The following CYP7B1 variants were observed in gnomAD, a reference collection of about 807,000 sequenced individuals.
The protein encoded by CYP7B1 is cytochrome P450 7B1.
Under a neutral mutation model 42.7 loss-of-function variants are expected in CYP7B1, and 29 were observed. That is an observed-to-expected ratio of 0.68 (90% CI 0.51 to 0.93). CYP7B1 has a LOEUF of 0.93. Ranked by LOEUF, CYP7B1 falls within the 40% of genes least tolerant of loss-of-function variation. The pLI, the probability that CYP7B1 is intolerant of heterozygous loss-of-function variation, is 0.00. For synonymous variants in CYP7B1, 235 were observed against 218.2 expected (o/e 1.08, Z -0.68); for missense variants, 655 against 600.5 (o/e 1.09, Z -0.95).
chr8:64,712,952 C>T (rs770824651), intron 1 of CYP7B1, among the ~76,000 whole-genome samples: 1 of 152,046 alleles, frequency 6.6e-6, no homozygotes, highest in Non-Finnish European at 1.5e-5. Context: ...GCATATAATC[C>T]TATTAGTGCA....
intron 1 of CYP7B1, among the ~76,000 whole-genome samples, chr8:64,647,999 A>G (rs997012183): frequency 2.0e-5 from 3 of 152,216 alleles, no homozygotes; most frequent in African/African-American, 4.8e-5. Context: ...CAGATCCATT[A>G]ATCAATGGAT....
intron 1 of CYP7B1, among the ~76,000 whole-genome samples, chr8:64,671,411 A>G (rs1209830125): frequency 1.3e-5 from 2 of 152,160 alleles, no homozygotes; most frequent in Non-Finnish European, 2.9e-5. Flanking sequence ...TGTTGGATGA[A>G]GTACTTCATT....
intron 1 of CYP7B1, among the ~76,000 whole-genome samples, chr8:64,679,161 C>G (rs1363109138): frequency 6.6e-6 from 1 of 152,146 alleles, no homozygotes; most frequent in Non-Finnish European, 1.5e-5. Flanking sequence ...GATAATCAAA[C>G]TATTTTTCCA....
At chr8:64,688,573 A>G (rs1585857269) in intron 1 of CYP7B1, among the ~76,000 whole-genome samples, 1 of 152,106 alleles carries the variant, frequency 6.6e-6, no homozygotes, top group African/African-American at 2.4e-5. Context: ...CAGAAGTCCA[A>G]CTCTGGCTGA....
intron 1 of CYP7B1, among the ~76,000 whole-genome samples, chr8:64,678,633 G>C (rs1183092272): frequency 2.0e-5 from 3 of 152,090 alleles, no homozygotes; most frequent in Non-Finnish European, 2.9e-5. Context: ...TGCTGCTACG[G>C]GTGCTCCTTG....
chr8:64,698,394 C>T (rs1262478128), intron 1 of CYP7B1, among the ~76,000 whole-genome samples: 1 of 152,066 alleles, frequency 6.6e-6, no homozygotes, highest in Non-Finnish European at 1.5e-5. Flanking sequence ...CTAGAAAACC[C>T]AAAACCACTG....
At chr8:64,695,163 C>A (rs529696975) in intron 1 of CYP7B1, among the ~76,000 whole-genome samples, 3 of 152,148 alleles carry the variant, frequency 2.0e-5, no homozygotes, top group Admixed American at 2.0e-4. Context: ...TGAGGTGAAA[C>A]GAGCAGGTGG....
intron 1 of CYP7B1, among the ~76,000 whole-genome samples, chr8:64,745,241 T>C (rs978700363): frequency 1.3e-5 from 2 of 152,242 alleles, no homozygotes; most frequent in African/African-American, 2.4e-5. Context: ...CCATTTGCTC[T>C]CTGCATAGAC....
chr8:64,689,438 A>T (rs535997047), intron 1 of CYP7B1, among the ~76,000 whole-genome samples: 2 of 152,352 alleles, frequency 1.3e-5, no homozygotes, highest in South Asian at 4.1e-4. Flanking sequence ...ATCACGAATC[A>T]AAGCACAACA....
chr8:64,686,322 T>G (rs1345739214), intron 1 of CYP7B1, among the ~76,000 whole-genome samples: 4 of 25,256 alleles, frequency 1.6e-4, no homozygotes, highest in Admixed American at 3.2e-4. Flanking sequence ...GTCCGGGAGG[T>G]GAGGGGCGCC....
intron 1 of CYP7B1, among the ~76,000 whole-genome samples, chr8:64,646,342 C>T (rs1433395494): frequency 6.6e-6 from 1 of 152,012 alleles, no homozygotes. Context: ...TGAACTCAAA[C>T]AAATTTACAA....
intron 1 of CYP7B1, among the ~76,000 whole-genome samples, chr8:64,776,082 T>C (rs1213562910): frequency 6.6e-6 from 1 of 152,092 alleles, no homozygotes; most frequent in Admixed American, 6.6e-5. Flanking sequence ...TCTTAGTTAT[T>C]TTATAGACCT....
At chr8:64,793,693 C>T (rs892253874) in intron 1 of CYP7B1, among the ~76,000 whole-genome samples, 3 of 151,898 alleles carry the variant, frequency 2.0e-5, no homozygotes, top group Non-Finnish European at 2.9e-5. Flanking sequence ...TAATTTAAAA[C>T]ACTTTAAACA....
intron 1 of CYP7B1, among the ~76,000 whole-genome samples, chr8:64,721,273 C>T (rs1481718501): frequency 6.6e-6 from 1 of 152,080 alleles, no homozygotes; most frequent in Non-Finnish European, 1.5e-5. Flanking sequence ...AGCTCCAGTA[C>T]AAAATAAACA....
At chr8:64,635,363 C>T (rs754327125) in intron 1 of CYP7B1, among the ~76,000 whole-genome samples, 1 of 152,154 alleles carries the variant, frequency 6.6e-6, no homozygotes, top group Non-Finnish European at 1.5e-5. Flanking sequence ...GTTCACACAC[C>T]CTCTGCTTCA....
At chr8:64,669,282 C>T (rs181170030) in intron 1 of CYP7B1, among the ~76,000 whole-genome samples, 1 of 152,070 alleles carries the variant, frequency 6.6e-6, no homozygotes, top group East Asian at 1.9e-4. Flanking sequence ...CGTACTGATA[C>T]AAAATGATTT....
At chr8:64,649,527 G>T (rs920382288) in intron 1 of CYP7B1, among the ~76,000 whole-genome samples, 21 of 152,194 alleles carry the variant, frequency 1.4e-4, no homozygotes, top group Non-Finnish European at 2.9e-4. Context: ...CATTAGGTGG[G>T]CCTGTGTCTC....
At chr8:64,619,552 T>A (rs2129630307) in intron 2 of CYP7B1, among the ~76,000 whole-genome samples, 1 of 152,286 alleles carries the variant, frequency 6.6e-6, no homozygotes, top group Non-Finnish European at 1.5e-5. Context: ...ATGCAGTAAA[T>A]TTGAAGTCAG....
At chr8:64,654,572 A>T (rs56665359) in intron 1 of CYP7B1, among the ~76,000 whole-genome samples, 13,300 of 152,284 alleles carry the variant, frequency 0.087, 878 homozygotes, top group African/African-American at 0.17. Flanking sequence ...GGAAGAATCA[A>T]TTTTATTAAA....
Sources: allele counts gnomAD v4.1 joint callset (sites outside exome capture counted in the v4.1 genomes callset), GRCh38; gene constraint gnomAD v4.1.1; transcripts MANE v1.5; gene names NCBI Gene and HGNC (gene_info 2026-07-23, HGNC 2026-07-21).